CPZ: variants seen among roughly 807,000 people sequenced by gnomAD.
The protein encoded by CPZ is carboxypeptidase Z, also known as VEZT/CPZ fusion.
A neutral mutation model predicts 61.8 loss-of-function variants in CPZ; 103 were observed. That is an observed-to-expected ratio of 1.67 (90% CI 1.42 to 1.96). The LOEUF (loss-of-function observed/expected upper bound fraction) is 1.96. CPZ is among the 30% of genes most tolerant of loss of function. CPZ has a pLI of 0.00. For synonymous variants in CPZ, 551 were observed against 373.7 expected (o/e 1.47, Z -5.47); for missense variants, 1,461 against 914.9 (o/e 1.60, Z -7.70).
intron 7 of CPZ, among the ~76,000 whole-genome samples, chr4:8,609,483 G>A (rs532897787): frequency 1.2e-4 from 19 of 152,366 alleles, no homozygotes; most frequent in South Asian, 1.2e-3. Context: ...GGGGTGAGGT[G>A]TCTGGTTCTC....
At chr4:8,611,316 T>A in intron 7 of CPZ, 1 of 454,028 alleles carries the variant, frequency 2.2e-6, no homozygotes, top group Non-Finnish European at 4.4e-6. Context: ...CAAAGGAGGA[T>A]CTGTGGACTC....
At chr4:8,594,059 TGCA>T (rs1289369448) in intron 1 of CPZ, among the ~76,000 whole-genome samples, 4 of 152,126 alleles carry the variant, frequency 2.6e-5, no homozygotes, top group African/African-American at 9.7e-5. Flanking sequence ...CAGGAAGAAA[TGCA>T]GCCTCCTCCT....
intron 1 of CPZ, among the ~76,000 whole-genome samples, chr4:8,598,022 G>A (rs957548492): frequency 1.3e-5 from 2 of 152,200 alleles, no homozygotes; most frequent in African/African-American, 4.8e-5. Flanking sequence ...GCTTGGACAG[G>A]GAGGGAGAGT....
chr4:8,605,323 C>CATCCATCCATCCATCA (rs1187640190), intron 4 of CPZ, among the ~76,000 whole-genome samples: 1 of 15,952 alleles, frequency 6.3e-5, no homozygotes, highest in Non-Finnish European at 1.4e-4. Context: ...TTCATTTATT[C>CATCCATCCATCCATCA]ATCCATCCAT....
intron 9 of CPZ, among the ~76,000 whole-genome samples, chr4:8,617,681 C>T (rs1036260599): frequency 2.6e-5 from 4 of 152,188 alleles, no homozygotes; most frequent in African/African-American, 9.7e-5. Flanking sequence ...GGGCAGGGGG[C>T]AGCCTCGCTG....
At position 8,606,002 on chromosome 4, in the gene CPZ, G is replaced by A; in HGVS notation, c.723G>A (p.Val241=). 3.7e-6 allele frequency: 6 copies of A among 1,613,214 alleles called. No homozygotes were observed. Among genetic ancestry groups the A allele is most frequent in the Non-Finnish European group, 5.1e-6 (6 of 1,179,186 alleles). The change falls in exon 5 of 11, where the codon GTG becomes GTA. Residue 241 remains valine (V), a synonymous_variant. Transcript: ENST00000360986. The part of the protein sequence containing the change: ...PGQHELMEPE[V]KLIGNIHGNE... The stretch of plus-strand genomic sequence containing the variant: ...ATTTGCCCCCAGTGGAGCCCGAGGT[G>A]AAGCTCATCGGCAACATTCATGGCA...
At position 8,619,718 on chromosome 4, in the gene CPZ, C is replaced by T. The variant is rs373647438; in HGVS notation, c.*101C>T. 3.2e-4 allele frequency: 282 copies of T among 880,602 alleles called. No homozygotes were observed. The East Asian group carries it at 6.0e-3, about 19-fold the overall frequency. The allele number at this position is 880,602 out of a possible 1,614,324, so 54.5% of individuals were successfully genotyped here. ...GTCTGCCACAGACATCCCACAAAGC[C>T]GCTGCCATTTTATTAAAGTGTTTTG... On this transcript the variant is annotated 3_prime_UTR_variant, in exon 11 of 11. Transcript: ENST00000360986.
chr4:8,604,154 C>G lies in CPZ; in HGVS notation c.675C>G (p.Ile225Met), dbSNP rs140673461. 548 of 1,580,988 alleles carry G rather than the reference C, an allele frequency of 3.5e-4. 5 individuals carry two copies. In the African/African-American group the frequency reaches 6.5e-3, roughly 19 times the overall value. The stretch of plus-strand genomic sequence containing the variant: ...TCGACGGCAGGGAGCTGCTGGTCAT[C>G]GAGTTCTCCAGCCGCCCCGGCCAGC... ...RSFDGRELLV[I>M]EFSSRPGQHE... The change falls in exon 4 of 11, where the codon ATC becomes ATG. Residue 225 changes from isoleucine to methionine, a missense_variant. Ile to Met is a conservative substitution (Grantham distance 10). Transcript: ENST00000360986.
intron 9 of CPZ, among the ~76,000 whole-genome samples, chr4:8,617,248 G>C (rs944635699): frequency 1.3e-5 from 2 of 152,184 alleles, no homozygotes; most frequent in Non-Finnish European, 2.9e-5. Flanking sequence ...GAGCTGCTTT[G>C]GCCTCATGAA....
At chr4:8,612,205 G>GGGGGGGGGGGGGGGGGGGGGGCC in intron 8 of CPZ, 43 bp downstream of exon 8, 2 of 202,856 alleles carry the variant, frequency 9.9e-6, no homozygotes, top group Non-Finnish European at 9.6e-6. Flanking sequence ...GGTGGGGGGT[G>GGGGGGGGGGGGGGGGGGGGGGCC]CAGGGGCTGG....
At chr4:8,606,612 A>G (rs1181699358) in intron 5 of CPZ, 125 bp from the exon 6 acceptor site, 1 of 1,245,320 alleles carries the variant, frequency 8.0e-7, no homozygotes, top group Non-Finnish European at 1.2e-6. Flanking sequence ...CCCCGAGCTC[A>G]TCACATAAAG....
chr4:8,605,347 CATTT>C (rs1696021206), intron 4 of CPZ, among the ~76,000 whole-genome samples: 1 of 131,702 alleles, frequency 7.6e-6, no homozygotes, highest in African/African-American at 3.7e-5. Context: ...TCCATCCATC[CATTT>C]ATTCATTCAG....
intron 7 of CPZ, among the ~76,000 whole-genome samples, chr4:8,609,154 CCTCA>C (rs1430642245): frequency 0.06 from 2,636 of 43,800 alleles, 48 homozygotes; most frequent in Admixed American, 0.077. Flanking sequence ...TCACCCACTC[CCTCA>C]CTCATTCACT....
At chr4:8,613,493 G>A (rs892666133) in intron 8 of CPZ, among the ~76,000 whole-genome samples, 2 of 152,198 alleles carry the variant, frequency 1.3e-5, no homozygotes, top group South Asian at 2.1e-4. Context: ...GAGCTAGCTG[G>A]ACCAGAGAGA....
Position 8,619,448 on chromosome 4 carries a change from G to C in CPZ, c.1790G>C (p.Arg597Thr). ...GPKNFIHGLR[R>T]TGPHDPLGGA... ...AAGAACTTTATTCATGGGCTGCGGAGGACTGGGCCCCACGACCCACTGGGA... is the reference window on the plus strand; with the variant it reads ...AAGAACTTTATTCATGGGCTGCGGACGACTGGGCCCCACGACCCACTGGGA... Residue 597 changes from arginine (R) to threonine (T), a missense_variant, in exon 11 of 11, where the codon AGG becomes ACG. Physicochemically the swap from Arg to Thr is moderately conservative, Grantham distance 71. Transcript: ENST00000360986. The C allele has an allele frequency of 6.2e-7, 1 of 1,613,262 alleles. No homozygotes were observed. The highest frequency in any genetic ancestry group is 8.5e-7 in the Non-Finnish European group (1 of 1,179,482).
Position 8,614,446 on chromosome 4 carries a change from T to G in CPZ, c.1451T>G (p.Leu484Arg). The G allele has an allele frequency of 6.2e-7, 1 of 1,614,010 alleles. No individual in the cohort carries two copies. Among genetic ancestry groups the G allele is most frequent in the Non-Finnish European group, 8.5e-7 (1 of 1,179,956 alleles). Residue 484 changes from leucine to arginine, a missense_variant, in exon 9 of 11, where the codon CTG (leucine) becomes CGG (arginine). Transcript: ENST00000360986. ...GCVKFPPEEALYILWQHNKES... is the reference protein window; with the variant it reads ...GCVKFPPEEARYILWQHNKES... ...GTGAAGTTCCCCCCCGAGGAGGCCC[T>G]GTACATACTCTGGCAGCACAACAAG... is the stretch of plus-strand genomic sequence containing the variant.
chr4:8,600,088 T>G (rs1044040637), intron 2 of CPZ: 2 of 152,270 alleles, frequency 1.3e-5, no homozygotes, highest in Non-Finnish European at 2.9e-5. Context: ...AAAAAAATTC[T>G]GGGTACCAAG....
Position 8,604,025 on chromosome 4 carries a change from C to A in CPZ, c.546C>A (p.Phe182Leu), listed in dbSNP as rs762308599. ...TGCCCTCAGGGCTGCCGCCCACCTT[C>A]ATCCGCTTCAGCCACCACTCCTACG... ...EALPSGLPPTFIRFSHHSYAQ... is the reference protein window; with the variant it reads ...EALPSGLPPTLIRFSHHSYAQ... Residue 182 changes from phenylalanine (F) to leucine (L), a missense_variant, in exon 4 of 11, where the codon TTC becomes TTA. Physicochemically the swap from Phe to Leu is conservative, Grantham distance 22. Transcript: ENST00000360986. The A allele has an allele frequency of 6.2e-7, 1 of 1,612,168 alleles. No individual in the cohort carries two copies.
intron 1 of CPZ, 41 bp downstream of exon 1, chr4:8,592,962 G>T (rs1197994522): frequency 1.4e-6 from 2 of 1,433,744 alleles, no homozygotes; most frequent in African/African-American, 1.4e-5. Context: ...CCTCCACCCT[G>T]CAACCTCTGG....
Sources: gnomAD v4.1 joint callset for allele counts (sites outside exome capture counted in the v4.1 genomes callset) on GRCh38, gnomAD v4.1.1 for gene constraint, MANE v1.5 for transcripts, NCBI Gene and HGNC (gene_info 2026-07-23, HGNC 2026-07-21) for gene names.